Variants in VPS37C observed in about 807,000 individuals in gnomAD.
The protein encoded by VPS37C is vacuolar protein sorting-associated protein 37C.
In VPS37C, 9 loss-of-function variants were observed where a neutral mutation model predicts 16.1. That is an observed-to-expected ratio of 0.56 (90% CI 0.34 to 0.97). The LOEUF (loss-of-function observed/expected upper bound fraction) is 0.97, where lower values mean the gene tolerates loss of function less well. Ranked by LOEUF, VPS37C falls within the 50% of genes least tolerant of loss-of-function variation. The probability of loss-of-function intolerance (pLI) is 0.02; values close to 1 mark genes in which losing one functional copy is unlikely to be tolerated. For missense variants in VPS37C, 479 were observed against 472.7 expected, an observed-to-expected ratio of 1.01 and a Z score of -0.12; for synonymous variants, 207 against 206.4, an observed-to-expected ratio of 1.00 and a Z score of -0.02.
intron 1 of VPS37C, 138 bp from the exon 2 acceptor site, chr11:61,138,973 G>T: frequency 1.3e-6 from 1 of 780,650 alleles, no homozygotes; most frequent in Non-Finnish European, 2.1e-6. Flanking sequence ...TCGAGGAGAG[G>T]CAGAAATCTC....
intron 1 of VPS37C, among the ~76,000 whole-genome samples, chr11:61,148,928 G>T (rs983424992): frequency 6.6e-6 from 1 of 152,168 alleles, no homozygotes; most frequent in East Asian, 1.9e-4. Context: ...GAATTGCTGG[G>T]GTTGGGGCTG....
chr11:61,142,691 A>G (rs1284986589), intron 1 of VPS37C, among the ~76,000 whole-genome samples: 2 of 151,716 alleles, frequency 1.3e-5, no homozygotes, highest in South Asian at 2.1e-4. Context: ...AATGATTATG[A>G]AAACTACTCT....
At chr11:61,159,045 T>C (rs888294543) in intron 1 of VPS37C, among the ~76,000 whole-genome samples, 12 of 152,196 alleles carry the variant, frequency 7.9e-5, no homozygotes, top group African/African-American at 2.7e-4. Context: ...GCTAAATCCA[T>C]TAAATCAGGT....
In VPS37C at chr11:61,133,254, C is replaced by G; in HGVS notation, c.348+1G>C. 6.2e-7 allele frequency: 1 copy of G among 1,614,138 alleles called. No individual in the cohort carries two copies. The highest frequency in any genetic ancestry group is 8.5e-7 in the Non-Finnish European group (1 of 1,180,032). On this transcript the variant is annotated splice_donor_variant, in intron 4 of 4. Coordinates refer to ENST00000301765, the MANE Select transcript of VPS37C (RefSeq NM_017966.5). LOFTEE classifies it high-confidence loss of function. ...AGAGGGGTGTCGCCTCGCCCTCTCA[C>G]CTCGGACTCTTCTTCGATCTTCATG... is the stretch of plus-strand genomic sequence containing the variant.
chr11:61,146,929 G>A (rs1048839381), intron 1 of VPS37C, among the ~76,000 whole-genome samples: 1 of 152,206 alleles, frequency 6.6e-6, no homozygotes, highest in East Asian at 1.9e-4. Flanking sequence ...GAGTGTGTAT[G>A]GCTGGAAAGC....
chr11:61,145,649 T>C (rs1853192828), intron 1 of VPS37C, among the ~76,000 whole-genome samples: 1 of 152,246 alleles, frequency 6.6e-6, no homozygotes, highest in Non-Finnish European at 1.5e-5. Flanking sequence ...CCCACAGAGC[T>C]GCTAAGAAGG....
chr11:61,137,731 GC>G (rs1429045567), intron 2 of VPS37C, among the ~76,000 whole-genome samples: 3 of 152,166 alleles, frequency 2.0e-5, no homozygotes, highest in Non-Finnish European at 4.4e-5. Context: ...GTAGGATGTG[GC>G]CCATGGTGTC....
intron 2 of VPS37C, among the ~76,000 whole-genome samples, chr11:61,137,081 C>T (rs908470192): frequency 1.3e-4 from 20 of 152,146 alleles, no homozygotes; most frequent in Non-Finnish European, 1.8e-4. Context: ...TAATAAGTTA[C>T]GGTGTTTCCC....
intron 2 of VPS37C, among the ~76,000 whole-genome samples, chr11:61,137,897 G>A (rs1590786032): frequency 6.6e-6 from 1 of 152,110 alleles, no homozygotes; most frequent in South Asian, 2.1e-4. Flanking sequence ...CCGGCCTGGC[G>A]CCCCCCATGG....
chr11:61,135,085 G>A, intron 2 of VPS37C, among the ~76,000 whole-genome samples: 1 of 152,232 alleles, frequency 6.6e-6, no homozygotes, highest in East Asian at 1.9e-4. Flanking sequence ...ACAGGGCGCA[G>A]GGAACAGCTC....
At chr11:61,159,092 T>A (rs1341743618) in intron 1 of VPS37C, among the ~76,000 whole-genome samples, 1 of 152,214 alleles carries the variant, frequency 6.6e-6, no homozygotes, top group East Asian at 1.9e-4. Flanking sequence ...GGAAAACCCC[T>A]ACTATTACTG....
chr11:61,136,558 A>C (rs189468161), intron 2 of VPS37C, among the ~76,000 whole-genome samples: 1 of 152,346 alleles, frequency 6.6e-6, no homozygotes, highest in Admixed American at 6.5e-5. Flanking sequence ...AGAAAATTGC[A>C]TATCGATGCA....
intron 2 of VPS37C, among the ~76,000 whole-genome samples, chr11:61,134,525 G>T (rs570854794): frequency 6.6e-6 from 1 of 152,306 alleles, no homozygotes; most frequent in East Asian, 1.9e-4. Context: ...GGAGGGGGTG[G>T]ACCAATTTAC....
rs1861320257 is a variant in VPS37C at position 61,134,088 on chromosome 11, G to T, written c.213C>A (p.Tyr71Ter). The T allele has an allele frequency of 6.2e-7, 1 of 1,613,722 alleles. No homozygotes were observed. Among genetic ancestry groups the T allele is most frequent in the African/African-American group, 1.3e-5 (1 of 74,904 alleles). ...EISRSNLSDR[Y>*]QELRKLVERC... Reference sequence around the variant, plus strand: ...GCTCCACGAGCTTCCGGAGCTCCTGGTATCTATCCGAGAGGTTTGAGCGGC... The same window carrying T: ...GCTCCACGAGCTTCCGGAGCTCCTGTTATCTATCCGAGAGGTTTGAGCGGC... The change falls in exon 3 of 5, where the codon TAC becomes TAA. Residue 71 changes from tyrosine to a stop codon, truncating the protein, a stop_gained. Coordinates refer to ENST00000301765, the MANE Select transcript of VPS37C (RefSeq NM_017966.5). LOFTEE classifies it high-confidence loss of function.
chr11:61,140,727 T>TCC (rs1861459804), intron 1 of VPS37C, among the ~76,000 whole-genome samples: 4 of 152,228 alleles, frequency 2.6e-5, no homozygotes, highest in Non-Finnish European at 5.9e-5. Flanking sequence ...GACCCCTGGT[T>TCC]TCTGAGTACA....
intron 4 of VPS37C, 48 bp from the exon 5 acceptor site, chr11:61,132,587 C>A: frequency 6.6e-7 from 1 of 1,520,362 alleles, no homozygotes; most frequent in Admixed American, 2.1e-5. Flanking sequence ...GGGATCAAGG[C>A]CTCTTGATTT....
intron 1 of VPS37C, chr11:61,145,130 C>T (rs1287609583): frequency 6.6e-6 from 1 of 152,202 alleles, no homozygotes; most frequent in Non-Finnish European, 1.5e-5. Context: ...TAAACTCTCC[C>T]GTTAATTTAC....
At chr11:61,155,998 T>A (rs1263708175) in intron 1 of VPS37C, among the ~76,000 whole-genome samples, 2 of 152,038 alleles carry the variant, frequency 1.3e-5, no homozygotes, top group Non-Finnish European at 2.9e-5. Flanking sequence ...TACACTAAAG[T>A]GGTATAATAT....
chr11:61,135,864 G>C (rs116484758), intron 2 of VPS37C, among the ~76,000 whole-genome samples: 1 of 152,166 alleles, frequency 6.6e-6, no homozygotes, highest in Non-Finnish European at 1.5e-5. Context: ...TTTTCCCTGC[G>C]TCTAAACCAA....
Sources: allele counts gnomAD v4.1 joint callset (sites outside exome capture counted in the v4.1 genomes callset), GRCh38; gene constraint gnomAD v4.1.1; transcripts MANE v1.5; gene names NCBI Gene and HGNC (gene_info 2026-07-23, HGNC 2026-07-21).